The following NELL1 variants were observed in gnomAD, a reference collection of about 807,000 sequenced individuals.
NELL1 encodes protein kinase C-binding protein NELL1.
Under a neutral mutation model 107.4 loss-of-function variants are expected in NELL1, and 76 were observed. The observed-to-expected ratio is 0.71, with a 90% CI of 0.59 to 0.86. The LOEUF is 0.86. Among genes scored for constraint, NELL1 ranks in the 40% least tolerant of loss-of-function variants. The probability of loss-of-function intolerance (pLI) is 0.00; values close to 1 mark genes in which losing one functional copy is unlikely to be tolerated. For synonymous variants in NELL1, 353 were observed against 341.2 expected (o/e 1.03, Z -0.38); for missense variants, 1,024 against 1,005.5 (o/e 1.02, Z -0.25).
intron 3 of NELL1, among the ~76,000 whole-genome samples, chr11:20,785,267 G>A (rs747261964): frequency 1.3e-5 from 2 of 152,226 alleles, no homozygotes; most frequent in Non-Finnish European, 2.9e-5. Flanking sequence ...GCCTCAAAGC[G>A]TGGTGATGGA....
intron 14 of NELL1, among the ~76,000 whole-genome samples, chr11:21,292,735 T>G (rs571288739): frequency 6.6e-6 from 1 of 152,226 alleles, no homozygotes; most frequent in African/African-American, 2.4e-5. Flanking sequence ...AACAGATATA[T>G]AGACCAATGG....
intron 2 of NELL1, among the ~76,000 whole-genome samples, chr11:20,709,003 A>G (rs1855045301): frequency 6.6e-6 from 1 of 152,130 alleles, no homozygotes; most frequent in Admixed American, 6.5e-5. Flanking sequence ...TCATGCTCCT[A>G]TGAGAATCTA....
At chr11:20,928,064 A>AATGATTG (rs2134172794) in intron 8 of NELL1, among the ~76,000 whole-genome samples, 1 of 152,246 alleles carries the variant, frequency 6.6e-6, no homozygotes, top group East Asian at 1.9e-4. Flanking sequence ...GAGCCTCAGA[A>AATGATTG]ATGATTGACA....
At chr11:21,356,431 A>T (rs1486396736) in intron 14 of NELL1, among the ~76,000 whole-genome samples, 1 of 152,132 alleles carries the variant, frequency 6.6e-6, no homozygotes, top group Non-Finnish European at 1.5e-5. Flanking sequence ...ATTTAGCAAC[A>T]TCTCTGGTTT....
In NELL1 at chr11:21,217,856, A is replaced by G. The variant is rs529667107; in HGVS notation, c.1427-11476A>G. ...TCGTTTGGGTCCTGATTGGTTTACT[A>G]AGGACAGCAATGTGTCAATTGATCA... On this transcript the variant is annotated intron_variant, in intron 13 of 19. Coordinates refer to ENST00000357134, the MANE Select transcript of NELL1 (RefSeq NM_006157.5). Among the ~76,000 whole-genome samples the G allele has an allele frequency of 1.1e-4, 17 of 152,300 alleles. No individual in the cohort carries two copies. In the South Asian group the frequency reaches 2.9e-3, roughly 26 times the overall value.
chr11:21,297,522 T>C (rs1305439245), intron 14 of NELL1, among the ~76,000 whole-genome samples: 1 of 152,020 alleles, frequency 6.6e-6, no homozygotes, highest in Non-Finnish European at 1.5e-5. Context: ...TAGAATTAAG[T>C]TATTTTGATC....
chr11:21,144,272 C>T (rs941756547), intron 13 of NELL1, among the ~76,000 whole-genome samples: 1 of 152,114 alleles, frequency 6.6e-6, no homozygotes, highest in South Asian at 2.1e-4. Flanking sequence ...CACCTTAGGA[C>T]AAGCTCCTGC....
At chr11:20,781,406 G>T (rs1281592403) in intron 2 of NELL1, among the ~76,000 whole-genome samples, 1 of 152,114 alleles carries the variant, frequency 6.6e-6, no homozygotes, top group Non-Finnish European at 1.5e-5. Flanking sequence ...TAAGGGAGAG[G>T]TTAGGGCTGC....
At chr11:20,791,631 C>T (rs2403626) in intron 3 of NELL1, among the ~76,000 whole-genome samples, 2,678 of 151,412 alleles carry the variant, frequency 0.018, 29 homozygotes, top group South Asian at 0.033. Flanking sequence ...GAGCAGATAT[C>T]TTTGTATTGT....
intron 13 of NELL1, among the ~76,000 whole-genome samples, chr11:21,218,722 A>G (rs1857679352): frequency 6.6e-6 from 1 of 152,314 alleles, no homozygotes; most frequent in South Asian, 2.1e-4. Context: ...AGTCCCAAGT[A>G]TGAGTGAGAA....
intron 12 of NELL1, among the ~76,000 whole-genome samples, chr11:21,007,489 C>T (rs929574424): frequency 5.9e-5 from 9 of 152,046 alleles, no homozygotes; most frequent in Non-Finnish European, 1.3e-4. Context: ...AGCCTGGGGC[C>T]GCTCTCTGCA....
At chr11:21,232,091 G>A (rs1480881142) in intron 14 of NELL1, among the ~76,000 whole-genome samples, 1 of 148,888 alleles carries the variant, frequency 6.7e-6, no homozygotes, top group Admixed American at 6.7e-5. Flanking sequence ...CTGAGGGTCA[G>A]GAGTTCTAGA....
intron 12 of NELL1, among the ~76,000 whole-genome samples, chr11:20,969,257 G>A (rs1453272843): frequency 6.6e-6 from 1 of 151,944 alleles, no homozygotes; most frequent in African/African-American, 2.4e-5. Context: ...TATTCCTTAT[G>A]TCTCAAGGTG....
chr11:21,130,451 G>GC (rs1164297649), intron 13 of NELL1, among the ~76,000 whole-genome samples: 47 of 152,098 alleles, frequency 3.1e-4, no homozygotes, highest in Admixed American at 1.0e-3. Context: ...AGAGTTTTGG[G>GC]TGGGGCACTT....
At chr11:20,840,011 A>T (rs1437920186) in intron 3 of NELL1, among the ~76,000 whole-genome samples, 2 of 152,238 alleles carry the variant, frequency 1.3e-5, no homozygotes, top group African/African-American at 4.8e-5. Flanking sequence ...TACAAGAAAA[A>T]TAATAGATTA....
At chr11:21,006,804 CA>C (rs1360278238) in intron 12 of NELL1, among the ~76,000 whole-genome samples, 2 of 152,070 alleles carry the variant, frequency 1.3e-5, no homozygotes, top group African/African-American at 4.8e-5. Context: ...TTACCCTTTA[CA>C]AGACTGTTGT....
At chr11:21,109,361 G>A (rs1219088376) in intron 12 of NELL1, among the ~76,000 whole-genome samples, 1 of 152,076 alleles carries the variant, frequency 6.6e-6, no homozygotes, top group East Asian at 1.9e-4. Flanking sequence ...TCCAGTACAT[G>A]TCAGGTTAAC....
At chr11:21,220,675 T>C (rs1461534147) in intron 13 of NELL1, among the ~76,000 whole-genome samples, 1 of 152,058 alleles carries the variant, frequency 6.6e-6, no homozygotes, top group Non-Finnish European at 1.5e-5. Context: ...AGCTAGTTTG[T>C]TGCTGATGTA....
intron 13 of NELL1, among the ~76,000 whole-genome samples, chr11:21,148,114 C>CT (rs1301129403): frequency 2.6e-5 from 4 of 152,094 alleles, no homozygotes; most frequent in African/African-American, 9.7e-5. Flanking sequence ...ACAGAAAGAG[C>CT]TTGACAGCAT....
Sources: gnomAD v4.1 joint callset for allele counts (sites outside exome capture counted in the v4.1 genomes callset) on GRCh38, gnomAD v4.1.1 for gene constraint, MANE v1.5 for transcripts, NCBI Gene and HGNC (gene_info 2026-07-23, HGNC 2026-07-21) for gene names.